The following ANKRD44 variants were observed in gnomAD, a reference collection of about 807,000 sequenced individuals.
ANKRD44 encodes the protein serine/threonine-protein phosphatase 6 regulatory ankyrin repeat subunit B.
Under a neutral mutation model 116.0 loss-of-function variants are expected in ANKRD44, and 35 were observed. That is an observed-to-expected ratio of 0.30 (90% CI 0.23 to 0.40). ANKRD44 has a LOEUF of 0.40. ANKRD44 is among the 10% of genes least tolerant of loss of function. The pLI is 1.00. For synonymous variants in ANKRD44, 435 were observed against 461.8 expected (o/e 0.94, Z 0.74); for missense variants, 1,014 against 1,242.6 (o/e 0.82, Z 2.77).
intron 27 of ANKRD44, chr2:196,989,926 A>C (rs1480889704): frequency 9.1e-7 from 1 of 1,101,114 alleles, no homozygotes; most frequent in African/African-American, 1.6e-5. Flanking sequence ...ATTTTTGCAT[A>C]TTGTGTCAAA....
rs1175163226 is a variant in ANKRD44, at chr2:197,099,840, A to G, written c.1076T>C (p.Ile359Thr). ...CTTGGCTGTGTCAGCTCCGCTGGTT[A>G]TTAAGGTGTTAATCAAAAGCTCATG... The part of the protein sequence containing the change: ...YGHELLINTL[I>T]TSGADTAKCG... Residue 359 changes from isoleucine to threonine, a missense_variant, in exon 10 of 28, where the codon ATA (isoleucine) becomes ACA (threonine). Ile to Thr is a moderately conservative substitution (Grantham distance 89, BLOSUM62 -1). Coordinates refer to ENST00000282272, the MANE Select transcript of ANKRD44 (RefSeq NM_001195144.2). 1.7e-5 allele frequency: 27 copies of G among 1,614,030 alleles called. No individual in the cohort carries two copies. Among genetic ancestry groups the G allele is most frequent in the Non-Finnish European group, 2.1e-5 (25 of 1,180,020 alleles).
At chr2:197,298,865 TGTGATC>T (rs1331336171) in intron 1 of ANKRD44, among the ~76,000 whole-genome samples, 1 of 151,810 alleles carries the variant, frequency 6.6e-6, no homozygotes, top group African/African-American at 2.4e-5. Flanking sequence ...TGCAGTGAGC[TGTGATC>T]GCACCATTAC....
chr2:197,041,248 C>T (rs1423008787), intron 16 of ANKRD44, among the ~76,000 whole-genome samples: 16 of 152,250 alleles, frequency 1.1e-4, no homozygotes, highest in African/African-American at 3.4e-4. Context: ...TCTTAGGCTC[C>T]GAGACTGAGA....
At chr2:197,052,531 T>G (rs902093870) in intron 16 of ANKRD44, among the ~76,000 whole-genome samples, 1 of 151,906 alleles carries the variant, frequency 6.6e-6, no homozygotes, top group South Asian at 2.1e-4. Flanking sequence ...TAGAGAAAAT[T>G]AGGCAATGTT....
intron 1 of ANKRD44, among the ~76,000 whole-genome samples, chr2:197,265,072 C>T (rs2082706609): frequency 6.6e-6 from 1 of 152,164 alleles, no homozygotes; most frequent in African/African-American, 2.4e-5. Context: ...ATTCCGTCCT[C>T]ATAGAAATAT....
chr2:197,001,971 G>T, intron 21 of ANKRD44, 131 bp from the exon 22 acceptor site: 1 of 637,386 alleles, frequency 1.6e-6, no homozygotes, highest in Non-Finnish European at 2.7e-6. Flanking sequence ...CATTCTCCAT[G>T]AAATAATATT....
At chr2:197,053,483 C>T (rs889785141) in intron 16 of ANKRD44, among the ~76,000 whole-genome samples, 2 of 152,084 alleles carry the variant, frequency 1.3e-5, no homozygotes, top group Non-Finnish European at 2.9e-5. Context: ...TCTACCTACA[C>T]TGATATCCTT....
Position 197,125,440 on chromosome 2 carries a change from G to A in ANKRD44, c.491C>T (p.Ala164Val). ...CTTCTTGTCAAATGCATTGATATTT[G>A]CCCCTTTGGCCAAGAGTAAATTGAC... The part of the protein sequence containing the change: ...EMVNLLLAKG[A>V]NINAFDKKDR... The change falls in exon 6 of 28, where the codon GCA becomes GTA. Residue 164 changes from alanine (A) to valine (V), a missense_variant. Physicochemically the swap from Ala to Val is moderately conservative, Grantham distance 64. Transcript: ENST00000282272. The A allele has an allele frequency of 1.2e-6, 2 of 1,613,984 alleles. No homozygotes were observed. Among genetic ancestry groups the A allele is most frequent in the Non-Finnish European group, 1.7e-6 (2 of 1,180,032 alleles).
rs527329932 is a variant in ANKRD44, at chr2:197,203,726, A to G, written c.28-16620T>C. On this transcript the variant is annotated intron_variant, in intron 1 of 27. Coordinates refer to ENST00000282272, the MANE Select transcript of ANKRD44 (RefSeq NM_001195144.2). This position sits in a 1 kb window ranked among gnomAD's most constrained non-coding sequence, Gnocchi z 4.1. ...CCCAAGTGTCCACCAACCGGCATCAACTGATGAATGGATAAACCAAATGTG... is the reference window on the plus strand; with the variant it reads ...CCCAAGTGTCCACCAACCGGCATCAGCTGATGAATGGATAAACCAAATGTG... Among the ~76,000 whole-genome samples the G allele has an allele frequency of 5.8e-4, 88 of 152,328 alleles. No homozygotes were observed. Among genetic ancestry groups the G allele is most frequent in the African/African-American group, 2.0e-3 (82 of 41,574 alleles).
intron 2 of ANKRD44, among the ~76,000 whole-genome samples, chr2:197,149,272 A>C (rs1345403687): frequency 6.6e-6 from 1 of 152,214 alleles, no homozygotes; most frequent in Non-Finnish European, 1.5e-5. Context: ...CCTGAAGCAA[A>C]GGCAACTCTA....
At chr2:197,273,606 G>A (rs568728389) in intron 1 of ANKRD44, among the ~76,000 whole-genome samples, 24 of 152,258 alleles carry the variant, frequency 1.6e-4, no homozygotes, top group Middle Eastern at 3.4e-3. Context: ...AGGAAAAAGA[G>A]AGGAAGAGGG....
chr2:197,219,157 C>T (rs1035486300), intron 1 of ANKRD44, among the ~76,000 whole-genome samples: 1 of 150,784 alleles, frequency 6.6e-6, no homozygotes, highest in Non-Finnish European at 1.5e-5. Flanking sequence ...GCAACCTCTG[C>T]CTCCCAGGTT....
At chr2:197,051,581 T>A (rs1029230004) in intron 16 of ANKRD44, among the ~76,000 whole-genome samples, 1 of 152,220 alleles carries the variant, frequency 6.6e-6, no homozygotes, top group African/African-American at 2.4e-5. Flanking sequence ...TTTTAATTTT[T>A]ATTTTTTGCT....
intron 2 of ANKRD44, among the ~76,000 whole-genome samples, chr2:197,177,220 T>C (rs887731154): frequency 1.3e-5 from 2 of 152,174 alleles, no homozygotes; most frequent in African/African-American, 4.8e-5. Context: ...GTAAAAGAAA[T>C]TGGAAAGTAA....
intron 2 of ANKRD44, among the ~76,000 whole-genome samples, chr2:197,186,606 ATTTTTCTTTTTTTTTTT>A (rs951618734): frequency 1.2e-5 from 1 of 81,454 alleles, no homozygotes; most frequent in Non-Finnish European, 2.4e-5. Context: ...TGCCCGGCTA[ATTTTTCTTTTTTTTTTT>A]TTTTTTTTTT....
At chr2:197,174,727 A>G (rs2080324160) in intron 2 of ANKRD44, among the ~76,000 whole-genome samples, 1 of 152,240 alleles carries the variant, frequency 6.6e-6, no homozygotes, top group Admixed American at 6.5e-5. Flanking sequence ...TGACTCAACC[A>G]TAAGCAAAGC....
At chr2:197,290,988 C>T (rs1349988209) in intron 1 of ANKRD44, among the ~76,000 whole-genome samples, 5 of 151,802 alleles carry the variant, frequency 3.3e-5, no homozygotes, top group Non-Finnish European at 7.4e-5. Context: ...GAGGGAGGAT[C>T]CCTTGAGGCC....
At chr2:197,117,696 A>G (rs2078745993) in intron 8 of ANKRD44, among the ~76,000 whole-genome samples, 1 of 152,112 alleles carries the variant, frequency 6.6e-6, no homozygotes, top group African/African-American at 2.4e-5. Context: ...TCCTTACATT[A>G]GTCTTCAACT....
At chr2:197,184,140 A>G (rs946315237) in intron 2 of ANKRD44, among the ~76,000 whole-genome samples, 2 of 152,168 alleles carry the variant, frequency 1.3e-5, no homozygotes, top group Admixed American at 6.5e-5. Context: ...CCAGACAAAT[A>G]AGTGGCATCA....
Sources: gnomAD v4.1 joint callset for allele counts (sites outside exome capture counted in the v4.1 genomes callset) on GRCh38, gnomAD v4.1.1 for gene constraint, Gnocchi (gnomAD v3.1) non-coding constraint, MANE v1.5 for transcripts, NCBI Gene and HGNC (gene_info 2026-07-23, HGNC 2026-07-21) for gene names.